ARID1A: variants seen among roughly 807,000 people sequenced by gnomAD.
ARID1A encodes the protein AT-rich interactive domain-containing protein 1A.
Under a neutral mutation model 212.6 loss-of-function variants are expected in ARID1A, and 20 were observed. The observed-to-expected ratio is 0.09, with a 90% CI of 0.07 to 0.14. ARID1A has a LOEUF of 0.14. ARID1A is among the 10% of genes least tolerant of loss of function. The pLI, the probability that ARID1A is intolerant of heterozygous loss-of-function variation, is 1.00. For synonymous variants in ARID1A, 1,376 were observed against 1,222.1 expected, an observed-to-expected ratio of 1.13 and a Z score of -2.63; for missense variants, 2,587 against 3,059.0, an observed-to-expected ratio of 0.85 and a Z score of 3.64.
chr1:26,709,754 G>A (rs1468432432), intron 1 of ARID1A, among the ~76,000 whole-genome samples: 5 of 149,688 alleles, frequency 3.3e-5, no homozygotes, highest in Non-Finnish European at 5.9e-5. Flanking sequence ...CTGACCTCAA[G>A]CAATCTTCCT....
chr1:26,774,903 C>T lies in ARID1A; in HGVS notation c.4676C>T (p.Ala1559Val). 6.8e-7 allele frequency: 1 copy of T among 1,477,442 alleles called. No homozygotes were observed. The highest frequency in any genetic ancestry group is 9.1e-7 in the Non-Finnish European group (1 of 1,096,124). 91.5% of individuals were successfully genotyped at this position (1,477,442 alleles called of 1,614,324 possible). A position where few individuals can be genotyped will look rare whatever the true frequency, so the allele number is the denominator to read the frequency against. Reference sequence around the variant, plus strand: ...CGCCAGCCCCCATATGGTCCCTCTGCCCCTGTGCCCCCCATGACAAGGCCC... The same window carrying T: ...CGCCAGCCCCCATATGGTCCCTCTGTCCCTGTGCCCCCCATGACAAGGCCC... ...GTRQPPYGPS[A>V]PVPPMTRPPP... Residue 1559 changes from alanine (A) to valine (V), a missense_variant, in exon 18 of 20, where the codon GCC (alanine) becomes GTC (valine). Transcript: ENST00000324856. This position sits in a 1 kb window ranked among gnomAD's most constrained non-coding sequence, Gnocchi z 5.6.
chr1:26,764,301 T>C (rs1371782535), intron 8 of ARID1A: 2 of 150,292 alleles, frequency 1.3e-5, no homozygotes, highest in Non-Finnish European at 3.0e-5. Context: ...GGGGTCTCAG[T>C]GTGTTGCCAG....
chr1:26,773,822 A>C lies in ARID1A; in HGVS notation c.4025A>C (p.Gln1342Pro), dbSNP rs200739025. ...QQQRHDSYGN[Q>P]FSTQGTPSGS... ...TATAGACATGATTCCTATGGCAATC[A>C]GTTCTCCACCCAAGGCACCCCTTCT... The change falls in exon 17 of 20, where the codon CAG (glutamine) becomes CCG (proline). Residue 1342 changes from glutamine (Q) to proline (P), a missense_variant. Gln to Pro is a moderately conservative substitution (Grantham distance 76, BLOSUM62 -1). This residue lies in a region of ARID1A where 890 missense variants were observed against 1,098.2 expected (regional missense o/e 0.81). Transcript: ENST00000324856. The C allele has an allele frequency of 1.1e-5, 18 of 1,614,046 alleles. No individual in the cohort carries two copies. The highest frequency in any genetic ancestry group is 1.3e-5 in the Non-Finnish European group (15 of 1,180,032).
intron 19 of ARID1A, 53 bp downstream of exon 19, chr1:26,775,760 A>C: frequency 6.2e-7 from 1 of 1,612,530 alleles, no homozygotes; most frequent in South Asian, 1.1e-5. Flanking sequence ...TTCTTAGTGT[A>C]GACAATGGGA....
At chr1:26,700,436 AT>A in intron 1 of ARID1A, among the ~76,000 whole-genome samples, 1 of 152,190 alleles carries the variant, frequency 6.6e-6, no homozygotes, top group Non-Finnish European at 1.5e-5. Context: ...ACCTGGGAAG[AT>A]CTTAGACAAA....
chr1:26,758,872 T>C (rs1378877318), intron 4 of ARID1A, among the ~76,000 whole-genome samples: 1 of 152,218 alleles, frequency 6.6e-6, no homozygotes, highest in African/African-American at 2.4e-5. Context: ...ACTTCTCAGC[T>C]AACATGGAAA....
intron 1 of ARID1A, among the ~76,000 whole-genome samples, chr1:26,726,149 C>T (rs1181382963): frequency 2.0e-5 from 3 of 151,394 alleles, no homozygotes; most frequent in African/African-American, 7.3e-5. Context: ...AGTCACTGCG[C>T]CCAGCCTTGG....
intron 4 of ARID1A, among the ~76,000 whole-genome samples, chr1:26,757,753 C>G (rs971822380): frequency 6.6e-6 from 1 of 152,014 alleles, no homozygotes; most frequent in Non-Finnish European, 1.5e-5. Flanking sequence ...CTGTAACCTC[C>G]ACCTCCCGGG....
At chr1:26,718,593 A>G (rs2080527130) in intron 1 of ARID1A, among the ~76,000 whole-genome samples, 1 of 152,188 alleles carries the variant, frequency 6.6e-6, no homozygotes, top group Non-Finnish European at 1.5e-5. Context: ...CATATAAACC[A>G]TTAATACGTA....
chr1:26,777,023 C>A (rs1010845580), intron 19 of ARID1A, among the ~76,000 whole-genome samples: 1 of 152,164 alleles, frequency 6.6e-6, no homozygotes, highest in Non-Finnish European at 1.5e-5. Context: ...TCAGAACAAC[C>A]CTGTAAAGTT....
chr1:26,698,957 C>G (rs773956222), intron 1 of ARID1A, among the ~76,000 whole-genome samples: 1 of 152,068 alleles, frequency 6.6e-6, no homozygotes, highest in Non-Finnish European at 1.5e-5. Flanking sequence ...TTAACACTTT[C>G]TTTTGTTAAT....
chr1:26,711,773 GT>G (rs2080456913), intron 1 of ARID1A, among the ~76,000 whole-genome samples: 1 of 152,074 alleles, frequency 6.6e-6, no homozygotes, highest in African/African-American at 2.4e-5. Flanking sequence ...TTTGATGAAG[GT>G]GGGAAAGGTA....
At chr1:26,707,265 G>A (rs1312654633) in intron 1 of ARID1A, among the ~76,000 whole-genome samples, 10 of 139,230 alleles carry the variant, frequency 7.2e-5, no homozygotes, top group Non-Finnish European at 1.4e-4. Context: ...CTGGAGTCCA[G>A]TGGTGTGATC....
intron 1 of ARID1A, among the ~76,000 whole-genome samples, chr1:26,701,105 T>A (rs1471567127): frequency 2.0e-5 from 3 of 152,220 alleles, no homozygotes; most frequent in Non-Finnish European, 2.9e-5. Flanking sequence ...GTGTAATGTC[T>A]ACAGTAGACC....
Position 26,697,220 on chromosome 1 carries a change from G to A in ARID1A, c.817G>A (p.Ala273Thr). The A allele has an allele frequency of 2.2e-6, 3 of 1,383,616 alleles. No individual in the cohort carries two copies. Among genetic ancestry groups the A allele is most frequent in the Non-Finnish European group, 2.8e-6 (3 of 1,074,904 alleles). 85.7% of individuals were successfully genotyped at this position (1,383,616 alleles called of 1,614,324 possible). The change falls in exon 1 of 20, where the codon GCC becomes ACC. Residue 273 changes from alanine to threonine, a missense_variant. By Grantham distance (58) the Ala-to-Thr change is moderately conservative. Around this residue, in one of 11 missense-constraint regions of ARID1A, gnomAD observed 735 missense variants for 590.6 expected, o/e 1.24. Coordinates refer to ENST00000324856, the MANE Select transcript of ARID1A (RefSeq NM_006015.6). The part of the protein sequence containing the change: ...SSSFAQQRFG[A>T]MGGGGPSAAG... The stretch of plus-strand genomic sequence containing the variant: ...GTCCTTCGCTCAGCAGCGCTTCGGG[G>A]CCATGGGGGGAGGCGGCCCCTCCGC...
chr1:26,764,034 C>G (rs1014128938), intron 8 of ARID1A, among the ~76,000 whole-genome samples: 1 of 152,048 alleles, frequency 6.6e-6, no homozygotes, highest in Non-Finnish European at 1.5e-5. Context: ...TAATGGCACA[C>G]TTTCAGCTCA....
At chr1:26,741,498 T>C (rs900978674) in intron 4 of ARID1A, among the ~76,000 whole-genome samples, 16 of 152,074 alleles carry the variant, frequency 1.1e-4, no homozygotes, top group African/African-American at 3.1e-4. Context: ...ATAAGGCAGA[T>C]GGAAGAGGGA....
rs2080275709 is a variant in ARID1A at position 26,697,178 on chromosome 1, G to C, written c.775G>C (p.Ala259Pro). 7.0e-7 allele frequency: 1 copy of C among 1,430,560 alleles called. No individual in the cohort carries two copies. The highest frequency in any genetic ancestry group is 9.1e-7 in the Non-Finnish European group (1 of 1,097,380). 88.6% of individuals were successfully genotyped at this position (1,430,560 alleles called of 1,614,324 possible). A position where few individuals can be genotyped will look rare whatever the true frequency, so the allele number is the denominator to read the frequency against. Residue 259 changes from alanine (A) to proline (P), a missense_variant, in exon 1 of 20, where the codon GCC becomes CCC. By Grantham distance (27) the Ala-to-Pro change is conservative. Around this residue, in one of 11 missense-constraint regions of ARID1A, gnomAD observed 735 missense variants for 590.6 expected, o/e 1.24. Transcript: ENST00000324856. ...SKPPPSSSAS[A>P]SSSSSSFAQQ... ...GCCGCCTCCCTCCTCCAGCGCCTCCGCCTCCTCGTCGTCTTCGTCCTTCGC... is the reference window on the plus strand; with the variant it reads ...GCCGCCTCCCTCCTCCAGCGCCTCCCCCTCCTCGTCGTCTTCGTCCTTCGC...
chr1:26,717,880 A>C (rs1036118403), intron 1 of ARID1A, among the ~76,000 whole-genome samples: 4 of 152,340 alleles, frequency 2.6e-5, no homozygotes, highest in Admixed American at 2.0e-4. Context: ...AAAGTATTCC[A>C]GGTAGAAGGA....
Sources: allele counts gnomAD v4.1 joint callset (sites outside exome capture counted in the v4.1 genomes callset), GRCh38; gene constraint gnomAD v4.1.1; regional missense constraint gnomAD v4.1.1; non-coding constraint Gnocchi (gnomAD v3.1); transcripts MANE v1.5; gene names NCBI Gene and HGNC (gene_info 2026-07-23, HGNC 2026-07-21).